NUCB2: variants seen among roughly 807,000 people sequenced by gnomAD.
NUCB2 encodes the protein nucleobindin 2, also known as nucleobindin-2.
Under a neutral mutation model 57.9 loss-of-function variants are expected in NUCB2, and 48 were observed. That is an observed-to-expected ratio of 0.83 (90% CI 0.66 to 1.05). The LOEUF (loss-of-function observed/expected upper bound fraction) is 1.05. Ranked by LOEUF, NUCB2 falls within the 50% of genes least tolerant of loss-of-function variation. The pLI is 0.00. For synonymous variants in NUCB2, 139 were observed against 152.1 expected (o/e 0.91, Z 0.64); for missense variants, 442 against 476.2 (o/e 0.93, Z 0.67).
chr11:17,349,458 A>G (rs1016192388), exon 3 of NUCB2: 1 of 152,166 alleles, frequency 6.6e-6, no homozygotes, highest in Non-Finnish European at 1.5e-5. Context: ...CTGTGGTGCA[A>G]GATGTCTCCT....
intron 11 of NUCB2, among the ~76,000 whole-genome samples, chr11:17,318,585 C>A (rs1591499040): frequency 6.6e-6 from 1 of 152,036 alleles, no homozygotes; most frequent in East Asian, 1.9e-4. Flanking sequence ...ATTTTTAAGG[C>A]TATTTTTAAG....
At chr11:17,347,885 C>T (rs1952870676) in intron 2 of NUCB2, among the ~76,000 whole-genome samples, 1 of 152,174 alleles carries the variant, frequency 6.6e-6, no homozygotes, top group South Asian at 2.1e-4. Context: ...TGGTCTATGC[C>T]TGGCTGTTAC....
At chr11:17,309,877 A>T (rs1948226364) in intron 6 of NUCB2, among the ~76,000 whole-genome samples, 1 of 152,218 alleles carries the variant, frequency 6.6e-6, no homozygotes, top group East Asian at 1.9e-4. Context: ...CTAAATCCAA[A>T]AGCTGTAAAA....
intron 4 of NUCB2, among the ~76,000 whole-genome samples, chr11:17,300,249 CG>C (rs904358515): frequency 6.6e-6 from 1 of 152,140 alleles, no homozygotes; most frequent in Non-Finnish European, 1.5e-5. Flanking sequence ...AGCGCTCAAA[CG>C]ATCTATCCAC....
chr11:17,302,738 ATT>A (rs374768656), intron 5 of NUCB2, among the ~76,000 whole-genome samples: 260 of 137,502 alleles, frequency 1.9e-3, no homozygotes, highest in African/African-American at 4.8e-3. Flanking sequence ...TGCCCTGCTA[ATT>A]TTTTTTTTTT....
exon 2 of NUCB2, chr11:17,337,406 T>C (rs949253322): frequency 2.0e-5 from 3 of 152,216 alleles, no homozygotes; most frequent in Admixed American, 2.0e-4. Flanking sequence ...ATGAGCTTCA[T>C]CGTTTGTCAT....
chr11:17,293,284 GTGT>G (rs1295054964), intron 2 of NUCB2, among the ~76,000 whole-genome samples: 4 of 151,160 alleles, frequency 2.6e-5, no homozygotes, highest in East Asian at 1.9e-4. Flanking sequence ...ATGTTGTCAG[GTGT>G]TGTTAGGACA....
downstream of NUCB2, chr11:17,334,000 C>T (rs1240204763): frequency 1.3e-5 from 2 of 152,290 alleles, no homozygotes; most frequent in East Asian, 3.8e-4. Flanking sequence ...CCACCTTCGT[C>T]TCTGTGGCAG....
intron 1 of NUCB2, among the ~76,000 whole-genome samples, chr11:17,279,285 T>G (rs1468732606): frequency 6.6e-6 from 1 of 152,222 alleles, no homozygotes; most frequent in Non-Finnish European, 1.5e-5. Context: ...TCAAAAATTT[T>G]TTTTACAACC....
intron 11 of NUCB2, among the ~76,000 whole-genome samples, chr11:17,320,474 T>TGG (rs1949875973): frequency 6.6e-6 from 1 of 152,062 alleles, no homozygotes; most frequent in South Asian, 2.1e-4. Flanking sequence ...CTGGCCAACA[T>TGG]GGTGAAACCT....
At chr11:17,305,229 C>A (rs1350409070) in intron 5 of NUCB2, among the ~76,000 whole-genome samples, 2 of 152,134 alleles carry the variant, frequency 1.3e-5, no homozygotes, top group Non-Finnish European at 2.9e-5. Context: ...GAGGCTGAGG[C>A]AGGAGAATCA....
chr11:17,332,801 C>G (rs1281364679), downstream of NUCB2: 1 of 152,146 alleles, frequency 6.6e-6, no homozygotes, highest in Non-Finnish European at 1.5e-5. Context: ...CAGCCTTGAA[C>G]TTCTGGGCTC....
intron 9 of NUCB2, 26 bp from the exon 10 acceptor site, chr11:17,312,002 T>C: frequency 6.5e-7 from 1 of 1,545,786 alleles, no homozygotes; most frequent in Non-Finnish European, 8.8e-7. Context: ...TTTCCTTTCA[T>C]GTTCATTTAA....
intron 6 of NUCB2, among the ~76,000 whole-genome samples, 176 bp downstream of exon 6, chr11:17,309,851 C>T (rs542137159): frequency 3.8e-4 from 58 of 152,270 alleles, no homozygotes; most frequent in African/African-American, 1.3e-3. Context: ...GGTCTAAAAT[C>T]CCTTATCCAC....
chr11:17,332,525 C>G (rs1951498958), downstream of NUCB2: 1 of 147,550 alleles, frequency 6.8e-6, no homozygotes, highest in African/African-American at 2.5e-5. Flanking sequence ...TCACCCCTCT[C>G]TCCCTGAAGA....
intron 5 of NUCB2, among the ~76,000 whole-genome samples, chr11:17,309,091 A>C (rs1322891401): frequency 6.6e-6 from 1 of 152,094 alleles, no homozygotes; most frequent in Non-Finnish European, 1.5e-5. Flanking sequence ...AGTTGGGAGG[A>C]TCACTTGAGG....
At chr11:17,340,317 GTAGTTTCTTTTGCTGTGCAGAAGCTCTT>G (rs1359609882) in intron 2 of NUCB2, among the ~76,000 whole-genome samples, 15 of 152,122 alleles carry the variant, frequency 9.9e-5, no homozygotes, top group Non-Finnish European at 2.1e-4. Flanking sequence ...CACTCTGATG[GTAGTTTCTTTTGCTGTGCAGAAGCTCTT>G]TAGTTTAATT....
At chr11:17,277,900 C>G (rs566215705) in intron 1 of NUCB2, among the ~76,000 whole-genome samples, 2 of 152,162 alleles carry the variant, frequency 1.3e-5, no homozygotes, top group South Asian at 4.2e-4. Context: ...TTCAACAAAT[C>G]TTCTTCAGCT....
downstream of NUCB2, among the ~76,000 whole-genome samples, chr11:17,336,789 T>TAAA (rs1951849631): frequency 7.1e-6 from 1 of 139,992 alleles, no homozygotes; most frequent in African/African-American, 2.7e-5. Flanking sequence ...AAAAAAATAC[T>TAAA]CTGAGACATA....
Sources: allele counts gnomAD v4.1 joint callset (sites outside exome capture counted in the v4.1 genomes callset), GRCh38; gene constraint gnomAD v4.1.1; transcripts MANE v1.5; gene names NCBI Gene and HGNC (gene_info 2026-07-23, HGNC 2026-07-21).